Variants in FOXP1 observed in about 807,000 individuals in gnomAD.
The protein encoded by FOXP1 is forkhead box protein P1.
In FOXP1, 15 loss-of-function variants were observed where a neutral mutation model predicts 98.2. The observed-to-expected ratio is 0.15, with a 90% CI of 0.10 to 0.24. The LOEUF (loss-of-function observed/expected upper bound fraction) is 0.24. Among genes scored for constraint, FOXP1 ranks in the 10% least tolerant of loss-of-function variants. FOXP1 has a pLI of 1.00. For missense variants in FOXP1, 633 were observed against 848.5 expected, an observed-to-expected ratio of 0.75 and a Z score of 3.15; for synonymous variants, 371 against 314.5, an observed-to-expected ratio of 1.18 and a Z score of -1.90.
At chr3:71,364,362 A>C (rs1290962398) in intron 3 of FOXP1, among the ~76,000 whole-genome samples, 1 of 152,196 alleles carries the variant, frequency 6.6e-6, no homozygotes, top group Non-Finnish European at 1.5e-5. Context: ...TATGCCCAAA[A>C]TGTGTCAGAC....
rs1279082737 is a variant in FOXP1 at position 71,583,623 on chromosome 3, GCGCGCGCCCACTCCCGCC to G, written c.-517_-500del. The G allele has an allele frequency of 1.0e-6, 1 of 983,960 alleles. No homozygotes were observed. Among genetic ancestry groups the G allele is most frequent in the Non-Finnish European group, 1.2e-6 (1 of 829,504 alleles). The allele number at this position is 983,960 out of a possible 1,614,324, so 61.0% of individuals were successfully genotyped here. A position where few individuals can be genotyped will look rare whatever the true frequency, so the allele number is the denominator to read the frequency against. ...CTAAGGTGTTTTCGGGCCTTTCCCCGCGCGCGCCCACTCCCGCCCGCGCGCGCACCCCGCGCACACACT... is the reference window on the plus strand; with the variant it reads ...CTAAGGTGTTTTCGGGCCTTTCCCCGCGCGCGCGCACCCCGCGCACACACT... On this transcript the variant is annotated 5_prime_UTR_variant, in exon 1 of 21. Transcript: ENST00000649528.
chr3:71,456,161 T>C (rs1268713784), intron 3 of FOXP1, among the ~76,000 whole-genome samples: 2 of 152,114 alleles, frequency 1.3e-5, no homozygotes, highest in African/African-American at 4.8e-5. Flanking sequence ...AGCCCTTCCC[T>C]AGCAAAGATA....
chr3:71,222,812 ACAAGC>A (rs892178135), intron 5 of FOXP1, among the ~76,000 whole-genome samples: 4 of 152,160 alleles, frequency 2.6e-5, no homozygotes, highest in Non-Finnish European at 5.9e-5. Context: ...TGGATCCCCA[ACAAGC>A]CCTTCTCTCC....
Position 71,267,183 on chromosome 3 carries a change from T to C in FOXP1, c.-12+32637A>G, listed in dbSNP as rs79941109. On this transcript the variant is annotated intron_variant, in intron 5 of 20. Transcript: ENST00000649528. ...AACATTAACTTATTTGAGTTAAACA[T>C]TGAGAATATACCATAAATTTTGTAA... 4.3e-3 allele frequency among the ~76,000 whole-genome samples: 649 copies of C among 151,502 alleles called. 6 individuals are homozygous for C. Among genetic ancestry groups the C allele is most frequent in the African/African-American group, 0.014 (598 of 41,300 alleles).
intron 6 of FOXP1, 154 bp downstream of exon 6, chr3:71,198,048 C>T (rs1428735139): frequency 2.5e-6 from 4 of 1,614,236 alleles, no homozygotes; most frequent in Non-Finnish European, 3.4e-6. Context: ...TCCTAGAGGG[C>T]TGATGGTTTA....
At chr3:71,050,493 A>C (rs1190912120) in intron 9 of FOXP1, among the ~76,000 whole-genome samples, 1 of 152,240 alleles carries the variant, frequency 6.6e-6, no homozygotes, top group African/African-American at 2.4e-5. Context: ...ATGCCTTTGA[A>C]AAGAAAGAAG....
intron 3 of FOXP1, among the ~76,000 whole-genome samples, chr3:71,396,098 T>C (rs2081353595): frequency 6.6e-6 from 1 of 152,122 alleles, no homozygotes; most frequent in South Asian, 2.1e-4. Flanking sequence ...TAGAGCCTCA[T>C]TCAGGAGGAG....
chr3:71,169,153 A>G (rs189241905), intron 6 of FOXP1, among the ~76,000 whole-genome samples: 1 of 152,286 alleles, frequency 6.6e-6, no homozygotes, highest in African/African-American at 2.4e-5. Flanking sequence ...CAACAGCTGT[A>G]TTTGACTATT....
chr3:71,020,142 A>T (rs976541372), intron 11 of FOXP1, among the ~76,000 whole-genome samples: 6 of 152,228 alleles, frequency 3.9e-5, no homozygotes, highest in African/African-American at 1.4e-4. Context: ...TCTCTTGATA[A>T]TCCTTGATAT....
intron 7 of FOXP1, among the ~76,000 whole-genome samples, chr3:71,070,036 C>T (rs970900928): frequency 6.6e-6 from 1 of 152,174 alleles, no homozygotes; most frequent in Non-Finnish European, 1.5e-5. Flanking sequence ...ACCTTCTTTA[C>T]GCCTGCCCTC....
At chr3:71,398,488 C>G (rs1228508120) in intron 3 of FOXP1, among the ~76,000 whole-genome samples, 1 of 152,152 alleles carries the variant, frequency 6.6e-6, no homozygotes, top group Non-Finnish European at 1.5e-5. Flanking sequence ...CTAATGTGAA[C>G]CCTTTTCACC....
At chr3:71,268,192 G>C (rs925520896) in intron 5 of FOXP1, among the ~76,000 whole-genome samples, 1 of 145,258 alleles carries the variant, frequency 6.9e-6, no homozygotes, top group African/African-American at 2.5e-5. Flanking sequence ...CCGGGTTCAC[G>C]CCATTCTCCT....
At chr3:71,209,759 CAG>C (rs2064315446) in intron 5 of FOXP1, among the ~76,000 whole-genome samples, 1 of 152,154 alleles carries the variant, frequency 6.6e-6, no homozygotes, top group African/African-American at 2.4e-5. Flanking sequence ...CATGCCTTAT[CAG>C]AGATACTATA....
intron 7 of FOXP1, among the ~76,000 whole-genome samples, chr3:71,057,318 T>C: frequency 7.5e-6 from 1 of 133,594 alleles, no homozygotes; most frequent in African/African-American, 2.9e-5. Flanking sequence ...TTTTTTTTTT[T>C]TTTTTTTTTC....
At chr3:71,563,449 C>T (rs533373675) in intron 2 of FOXP1, among the ~76,000 whole-genome samples, 2 of 152,156 alleles carry the variant, frequency 1.3e-5, no homozygotes, top group Admixed American at 6.5e-5. Flanking sequence ...CCTTACCTAC[C>T]GCAAAGGCAA....
intron 2 of FOXP1, among the ~76,000 whole-genome samples, chr3:71,559,864 CG>C (rs1014061286): frequency 4.1e-5 from 6 of 145,736 alleles, no homozygotes; most frequent in African/African-American, 1.0e-4. Flanking sequence ...CTGGGGGTTG[CG>C]GGGGGGACCT....
At chr3:71,361,712 G>A (rs1457200402) in intron 3 of FOXP1, among the ~76,000 whole-genome samples, 1 of 152,144 alleles carries the variant, frequency 6.6e-6, no homozygotes, top group Non-Finnish European at 1.5e-5. Flanking sequence ...GTGAGACGCC[G>A]GTCTGCTTTC....
At chr3:71,009,446 T>C (rs867178144) in intron 12 of FOXP1, among the ~76,000 whole-genome samples, 17 of 152,126 alleles carry the variant, frequency 1.1e-4, no homozygotes, top group Non-Finnish European at 2.1e-4. Flanking sequence ...CCTGCAATGC[T>C]GAAAATATTT....
At chr3:71,365,959 A>G (rs1190020258) in intron 3 of FOXP1, among the ~76,000 whole-genome samples, 1 of 152,202 alleles carries the variant, frequency 6.6e-6, no homozygotes, top group Non-Finnish European at 1.5e-5. Context: ...GCGACAGGGC[A>G]AGACTCCATT....
Sources: gnomAD v4.1 joint callset for allele counts (sites outside exome capture counted in the v4.1 genomes callset) on GRCh38, gnomAD v4.1.1 for gene constraint, MANE v1.5 for transcripts, NCBI Gene and HGNC (gene_info 2026-07-23, HGNC 2026-07-21) for gene names.